The following PRMT9 variants were observed in gnomAD, a reference collection of about 807,000 sequenced individuals.
PRMT9 encodes protein arginine methyltransferase 9, also known as protein arginine N-methyltransferase 9.
In PRMT9, 59 loss-of-function variants were observed where a neutral mutation model predicts 83.2. The ratio of observed to expected loss-of-function variants is 0.71; its 90% CI spans 0.57 to 0.88. The LOEUF (loss-of-function observed/expected upper bound fraction) is 0.88, where lower values mean the gene tolerates loss of function less well. Among genes scored for constraint, PRMT9 ranks in the 40% least tolerant of loss-of-function variants. PRMT9 has a pLI of 0.00. For synonymous variants in PRMT9, 333 were observed against 353.2 expected (o/e 0.94, Z 0.64); for missense variants, 947 against 1,021.9 (o/e 0.93, Z 1.00).
At chr4:147,670,536 T>C in intron 5 of PRMT9, 105 bp downstream of exon 5, 2 of 900,546 alleles carry the variant, frequency 2.2e-6, no homozygotes, top group Non-Finnish European at 1.8e-6. Context: ...ACCTTGGCAA[T>C]GGAAAATATA....
At chr4:147,663,709 T>C (rs1735131426) in intron 6 of PRMT9, among the ~76,000 whole-genome samples, 1 of 152,172 alleles carries the variant, frequency 6.6e-6, no homozygotes, top group Non-Finnish European at 1.5e-5. Flanking sequence ...TGAATATATA[T>C]TGTCAAAACT....
intron 5 of PRMT9, 36 bp from the exon 6 acceptor site, chr4:147,668,681 T>G (rs1260069204): frequency 1.6e-6 from 2 of 1,229,160 alleles, no homozygotes; most frequent in Non-Finnish European, 2.4e-6. Flanking sequence ...TGTTATCACA[T>G]GTATGTAAAA....
chr4:147,678,145 G>C (rs992284713), intron 2 of PRMT9, among the ~76,000 whole-genome samples: 2 of 152,174 alleles, frequency 1.3e-5, no homozygotes, highest in Non-Finnish European at 2.9e-5. Flanking sequence ...CAGATTGATT[G>C]TTAAGAACTA....
At chr4:147,644,584 A>G (rs538420481) in intron 9 of PRMT9, among the ~76,000 whole-genome samples, 4 of 151,122 alleles carry the variant, frequency 2.6e-5, no homozygotes, top group East Asian at 1.9e-4. Flanking sequence ...TAGGTAGACT[A>G]TATCTGGATG....
intron 9 of PRMT9, among the ~76,000 whole-genome samples, chr4:147,648,665 G>A (rs894554262): frequency 2.6e-5 from 4 of 152,188 alleles, no homozygotes; most frequent in African/African-American, 4.8e-5. Context: ...ACTTGTAACT[G>A]GCATCTGAAG....
At chr4:147,646,542 A>G (rs559136779) in intron 9 of PRMT9, among the ~76,000 whole-genome samples, 1 of 152,140 alleles carries the variant, frequency 6.6e-6, no homozygotes, top group Non-Finnish European at 1.5e-5. Flanking sequence ...TGAGCCCAGG[A>G]AGTCAAGGCT....
intron 7 of PRMT9, among the ~76,000 whole-genome samples, chr4:147,659,157 C>T (rs1338618820): frequency 2.0e-5 from 3 of 148,464 alleles, no homozygotes; most frequent in African/African-American, 5.0e-5. Context: ...CCAGCCTGGG[C>T]GACAGAGTGA....
intron 5 of PRMT9, 42 bp from the exon 6 acceptor site, chr4:147,668,687 TA>T: frequency 1.8e-6 from 2 of 1,110,426 alleles, no homozygotes. Flanking sequence ...CACATGTATG[TA>T]AAAATGTGTG....
intron 9 of PRMT9, among the ~76,000 whole-genome samples, chr4:147,649,542 C>T (rs1240167782): frequency 6.6e-6 from 1 of 151,944 alleles, no homozygotes; most frequent in Non-Finnish European, 1.5e-5. Context: ...ACTCTTGTTG[C>T]CCAGAGCTGG....
At chr4:147,670,912 C>CTCGAATGTTCCTTAAGCTTTAG (rs1408131137) in intron 4 of PRMT9, among the ~76,000 whole-genome samples, 169 bp from the exon 5 acceptor site, 2 of 152,092 alleles carry the variant, frequency 1.3e-5, no homozygotes, top group African/African-American at 2.4e-5. Context: ...AGGAACTTTA[C>CTCGAATGTTCCTTAAGCTTTAG]TCGAATGTTC....
rs33916882 is a variant in PRMT9 at position 147,668,002 on chromosome 4, A to AAGC, written c.953+536_953+537insGCT. Among the ~76,000 whole-genome samples, 25 of 1,080 alleles carry AAGC rather than the reference A, an allele frequency of 0.023. No individual in the cohort carries two copies. The Admixed American group carries it at 0.3, about 13-fold the overall frequency. 0.7% of individuals were successfully genotyped at this position (1,080 alleles called of 152,430 possible). On this transcript the variant is annotated intron_variant, in intron 6 of 11. Coordinates refer to ENST00000322396, the MANE Select transcript of PRMT9 (RefSeq NM_138364.4). The stretch of plus-strand genomic sequence containing the variant: ...TTCATTTAAAATAGGCAAAAAAAAA[A>AAGC]ATAAGACCAGTGTAAGCAGCATGAA...
rs1023416920 is a variant in PRMT9, at chr4:147,656,771, CAAAAAAAAAA to C, written c.1330+1011_1330+1020del. ...TGGGCAACAGAGCGAGACTCTGTCT[CAAAAAAAAAA>C]AAAAAAAAAAAAAAGAAAGAAAGAA... On this transcript the variant is annotated intron_variant, in intron 8 of 11. Coordinates refer to ENST00000322396, the MANE Select transcript of PRMT9 (RefSeq NM_138364.4). 6.2e-3 allele frequency among the ~76,000 whole-genome samples: 296 copies of C among 47,972 alleles called. 3 individuals are homozygous for C. The highest frequency in any genetic ancestry group is 0.056 in the East Asian group (80 of 1,436). 31.5% of individuals were successfully genotyped at this position (47,972 alleles called of 152,430 possible).
At chr4:147,658,823 G>A (rs1734717082) in intron 7 of PRMT9, among the ~76,000 whole-genome samples, 1 of 152,164 alleles carries the variant, frequency 6.6e-6, no homozygotes. Context: ...GGCTAGCTGG[G>A]CATGGTGGCT....
intron 3 of PRMT9, among the ~76,000 whole-genome samples, chr4:147,673,366 C>T (rs182132533): frequency 6.6e-6 from 1 of 152,132 alleles, no homozygotes; most frequent in East Asian, 1.9e-4. Context: ...TACTAATGGG[C>T]TTTAACTTAG....
At position 147,638,332 on chromosome 4, in the gene PRMT9, T is replaced by G. The variant is rs1578867165; in HGVS notation, c.*200A>C. 5 of 587,118 alleles carry G rather than the reference T, an allele frequency of 8.5e-6. No homozygotes were observed. In the East Asian group the frequency reaches 1.1e-4, roughly 14 times the overall value. 36.4% of individuals were successfully genotyped at this position (587,118 alleles called of 1,614,324 possible). On this transcript the variant is annotated 3_prime_UTR_variant, in exon 12 of 12. Coordinates refer to ENST00000322396, the MANE Select transcript of PRMT9 (RefSeq NM_138364.4). The stretch of plus-strand genomic sequence containing the variant: ...TTAAAAAACTAGTGATGTATCCTTT[T>G]CCAGAAAGCAAATCTGCAGCAGTAT...
chr4:147,670,149 T>C (rs1735631725), intron 5 of PRMT9, among the ~76,000 whole-genome samples: 3 of 139,590 alleles, frequency 2.1e-5, no homozygotes, highest in Non-Finnish European at 3.1e-5. Flanking sequence ...ATCATGTTGT[T>C]AGTAAATGTT....
intron 6 of PRMT9, among the ~76,000 whole-genome samples, chr4:147,663,580 G>T (rs1169909367): frequency 6.6e-6 from 1 of 152,064 alleles, no homozygotes; most frequent in African/African-American, 2.4e-5. Context: ...TGCCCAGGCT[G>T]CTCTCAAACT....
At chr4:147,643,136 A>G (rs942629690) in intron 9 of PRMT9, among the ~76,000 whole-genome samples, 196 bp from the exon 10 acceptor site, 3 of 151,968 alleles carry the variant, frequency 2.0e-5, no homozygotes, top group Non-Finnish European at 4.4e-5. Context: ...CACAGGTGGC[A>G]TGCACCTGTA....
intron 5 of PRMT9, among the ~76,000 whole-genome samples, chr4:147,669,254 AAGTGTGGTG>A (rs1735575981): frequency 1.3e-5 from 2 of 151,736 alleles, no homozygotes; most frequent in Non-Finnish European, 2.9e-5. Flanking sequence ...TTAATTAGCC[AAGTGTGGTG>A]ACATTGCGAG....
Sources: allele counts gnomAD v4.1 joint callset (sites outside exome capture counted in the v4.1 genomes callset), GRCh38; gene constraint gnomAD v4.1.1; transcripts MANE v1.5; gene names NCBI Gene and HGNC (gene_info 2026-07-23, HGNC 2026-07-21).